Variants in SEMA6D observed in about 807,000 individuals in gnomAD.
The protein encoded by SEMA6D is semaphorin-6D.
Under a neutral mutation model 106.6 loss-of-function variants are expected in SEMA6D, and 35 were observed. That is an observed-to-expected ratio of 0.33 (90% CI 0.25 to 0.44). The LOEUF (loss-of-function observed/expected upper bound fraction) is 0.44. Ranked by LOEUF, SEMA6D falls within the 20% of genes least tolerant of loss-of-function variation. The probability of loss-of-function intolerance (pLI) is 1.00; values close to 1 mark genes in which losing one functional copy is unlikely to be tolerated. For synonymous variants in SEMA6D, 499 were observed against 487.7 expected (o/e 1.02, Z -0.31); for missense variants, 1,185 against 1,345.9 (o/e 0.88, Z 1.87).
intron 1 of SEMA6D, among the ~76,000 whole-genome samples, chr15:47,385,258 A>G (rs1461079551): frequency 6.6e-6 from 1 of 152,146 alleles, no homozygotes; most frequent in African/African-American, 2.4e-5. Context: ...CATTAAGTCA[A>G]GTAAGGGGCT....
In SEMA6D at chr15:47,632,012, A is replaced by T. The variant is rs186819391; in HGVS notation, c.-55+31116A>T. On this transcript the variant is annotated intron_variant, in intron 4 of 19. Transcript: ENST00000558014. ...TTTTATTGAGCTCTCTATTTTTTTT[A>T]AAATTTCCTTTGAGACTTTCACTTT... Among the ~76,000 whole-genome samples the T allele has an allele frequency of 4.5e-3, 688 of 151,836 alleles. 9 individuals carry two copies. Among genetic ancestry groups the T allele is most frequent in the African/African-American group, 0.015 (616 of 41,518 alleles).
At chr15:47,346,882 C>T (rs537138262) in intron 1 of SEMA6D, among the ~76,000 whole-genome samples, 121 of 151,952 alleles carry the variant, frequency 8.0e-4, no homozygotes, top group African/African-American at 2.8e-3. Context: ...TTTGTGATTC[C>T]ACTGAAGTAT....
intron 4 of SEMA6D, among the ~76,000 whole-genome samples, chr15:47,606,937 C>T (rs2076794122): frequency 1.3e-5 from 2 of 152,154 alleles, no homozygotes; most frequent in Admixed American, 6.5e-5. Context: ...AGGACCTGGG[C>T]TGCACTAATA....
At chr15:47,447,110 C>T (rs1291797857) in intron 2 of SEMA6D, among the ~76,000 whole-genome samples, 3 of 152,130 alleles carry the variant, frequency 2.0e-5, no homozygotes, top group Non-Finnish European at 4.4e-5. Flanking sequence ...ACGTGCTCTC[C>T]TCCAGTGGGA....
intron 1 of SEMA6D, among the ~76,000 whole-genome samples, chr15:47,304,148 C>A (rs2036132621): frequency 6.6e-6 from 1 of 152,038 alleles, no homozygotes; most frequent in African/African-American, 2.4e-5. Flanking sequence ...CTATAAGTAG[C>A]ACCTCTGGTA....
At chr15:47,214,708 T>C (rs992725376) in intron 1 of SEMA6D, among the ~76,000 whole-genome samples, 1 of 152,228 alleles carries the variant, frequency 6.6e-6, no homozygotes, top group Non-Finnish European at 1.5e-5. Flanking sequence ...AAAAATGTTT[T>C]ATCCTGAGGG....
At chr15:47,292,243 G>T (rs4775677) in intron 1 of SEMA6D, among the ~76,000 whole-genome samples, 67,944 of 151,930 alleles carry the variant, frequency 0.45, 16,200 homozygotes, top group African/African-American at 0.62. Flanking sequence ...AAAAAGATGT[G>T]ATACTTTCAT....
At chr15:47,480,856 T>G (rs972169866) in intron 3 of SEMA6D, among the ~76,000 whole-genome samples, 5 of 152,188 alleles carry the variant, frequency 3.3e-5, no homozygotes, top group Non-Finnish European at 5.9e-5. Flanking sequence ...CTTCCCCTGG[T>G]GAACTCGTAT....
At chr15:47,258,255 A>G (rs1052744853) in intron 1 of SEMA6D, among the ~76,000 whole-genome samples, 1 of 152,160 alleles carries the variant, frequency 6.6e-6, no homozygotes, top group Non-Finnish European at 1.5e-5. Flanking sequence ...CACATTTAAG[A>G]TAATTATTAA....
chr15:47,650,611 G>A (rs985588198), intron 4 of SEMA6D, among the ~76,000 whole-genome samples: 7 of 152,096 alleles, frequency 4.6e-5, no homozygotes, highest in South Asian at 2.1e-4. Context: ...CAAATCTCAC[G>A]TTTATTAACT....
Position 47,204,746 on chromosome 15 carries a change from TAAATG to T in SEMA6D, c.-239+20333_-239+20337del, listed in dbSNP as rs1393726597. 4.6e-5 allele frequency among the ~76,000 whole-genome samples: 7 copies of T among 152,150 alleles called. No homozygotes were observed. In the East Asian group the frequency reaches 9.6e-4, roughly 21 times the overall value. On this transcript the variant is annotated intron_variant, in intron 1 of 19. Transcript: ENST00000558014. ...GAGATCAAGCAGATCATATATGAATTAAATGAAATAATATATGTAAATCATCTATC... is the reference window on the plus strand; with the variant it reads ...GAGATCAAGCAGATCATATATGAATTAAATAATATATGTAAATCATCTATC...
intron 3 of SEMA6D, among the ~76,000 whole-genome samples, chr15:47,582,572 G>A (rs1372547577): frequency 6.6e-6 from 1 of 152,166 alleles, no homozygotes; most frequent in East Asian, 1.9e-4. Flanking sequence ...GTCTGGAGCA[G>A]GTGGCCCTGT....
At chr15:47,405,235 GA>G (rs1320540072) in intron 1 of SEMA6D, among the ~76,000 whole-genome samples, 3 of 152,140 alleles carry the variant, frequency 2.0e-5, no homozygotes, top group Non-Finnish European at 4.4e-5. Flanking sequence ...AGGAGGGATG[GA>G]GACTGTAAGG....
At chr15:47,542,649 C>T (rs1717520535) in intron 3 of SEMA6D, among the ~76,000 whole-genome samples, 1 of 152,136 alleles carries the variant, frequency 6.6e-6, no homozygotes, top group South Asian at 2.1e-4. Context: ...TCAAGCAGTA[C>T]TCTTTTTTTT....
intron 1 of SEMA6D, among the ~76,000 whole-genome samples, chr15:47,208,011 A>G (rs1293322477): frequency 1.1e-4 from 15 of 136,866 alleles, no homozygotes; most frequent in South Asian, 2.2e-4. Context: ...ACACACACAC[A>G]CACACACACA....
chr15:47,706,133 A>G (rs944577250), intron 4 of SEMA6D, among the ~76,000 whole-genome samples: 2 of 152,324 alleles, frequency 1.3e-5, no homozygotes, highest in South Asian at 4.2e-4. Flanking sequence ...TCTCACTGCT[A>G]AAGTGGGATC....
intron 4 of SEMA6D, among the ~76,000 whole-genome samples, chr15:47,704,173 A>G (rs565041501): frequency 5.6e-4 from 85 of 152,114 alleles, no homozygotes; most frequent in African/African-American, 1.9e-3. Context: ...TTTTGTAGAG[A>G]TAAGGTCTTA....
At chr15:47,288,121 G>GC (rs1168058805) in intron 1 of SEMA6D, among the ~76,000 whole-genome samples, 1 of 152,278 alleles carries the variant, frequency 6.6e-6, no homozygotes, top group South Asian at 2.1e-4. Flanking sequence ...TGAGGGATCT[G>GC]CCCCCGTGAT....
intron 1 of SEMA6D, among the ~76,000 whole-genome samples, chr15:47,250,291 A>G (rs1050532703): frequency 7.9e-5 from 12 of 152,024 alleles, no homozygotes; most frequent in African/African-American, 2.9e-4. Flanking sequence ...CCATGGAGCA[A>G]CCTAACTCTC....
Sources: gnomAD v4.1 joint callset for allele counts (sites outside exome capture counted in the v4.1 genomes callset) on GRCh38, gnomAD v4.1.1 for gene constraint, MANE v1.5 for transcripts, NCBI Gene and HGNC (gene_info 2026-07-23, HGNC 2026-07-21) for gene names.